KCNC2: variants seen among roughly 807,000 people sequenced by gnomAD.
The protein encoded by KCNC2 is voltage-gated potassium channel KCNC2.
In KCNC2, 21 loss-of-function variants were observed where a neutral mutation model predicts 44.5. The ratio of observed to expected loss-of-function variants is 0.47; its 90% CI spans 0.33 to 0.68. The LOEUF (loss-of-function observed/expected upper bound fraction) is 0.68. Among genes scored for constraint, KCNC2 ranks in the 30% least tolerant of loss-of-function variants. The pLI is 0.01. For synonymous variants in KCNC2, 391 were observed against 339.1 expected (o/e 1.15, Z -1.68); for missense variants, 589 against 826.2 (o/e 0.71, Z 3.52).
At chr12:75,048,072 T>C (rs1880731513) in intron 4 of KCNC2, 81 bp downstream of exon 4, 3 of 1,254,720 alleles carry the variant, frequency 2.4e-6, no homozygotes, top group Non-Finnish European at 3.5e-6. Context: ...AAATGATGAA[T>C]GAGCATTTTA....
At position 75,048,242 on chromosome 12, in the gene KCNC2, C is replaced by T. The variant is rs1880758647; in HGVS notation, c.1691G>A (p.Ser564Asn). The T allele has an allele frequency of 6.2e-7, 1 of 1,613,084 alleles. No homozygotes were observed. The highest frequency in any genetic ancestry group is 8.5e-7 in the Non-Finnish European group (1 of 1,179,386). Residue 564 changes from serine (S) to asparagine (N), a missense_variant, in exon 4 of 5, where the codon AGT (serine) becomes AAT (asparagine). Transcript: ENST00000549446. The stretch of plus-strand genomic sequence containing the variant: ...CCCTCTTCTGTTTTTGTCTCTGGTA[C>T]TAGAGCGTCTGATGGGGAGCCTTTC... Reference protein sequence around the residue: ...PPERLPIRRSSTRDKNRRGET... With the variant: ...PPERLPIRRSNTRDKNRRGET...
At chr12:75,146,087 T>C (rs978390455) in intron 2 of KCNC2, among the ~76,000 whole-genome samples, 7 of 151,912 alleles carry the variant, frequency 4.6e-5, no homozygotes, top group African/African-American at 1.7e-4. Flanking sequence ...CCCTAGTAGC[T>C]GGGACTACAG....
At chr12:75,201,406 T>C (rs1053182576) in intron 2 of KCNC2, among the ~76,000 whole-genome samples, 3 of 150,482 alleles carry the variant, frequency 2.0e-5, no homozygotes, top group Non-Finnish European at 4.4e-5. Context: ...GCAATAATTA[T>C]CCTACAAATC....
intron 2 of KCNC2, among the ~76,000 whole-genome samples, chr12:75,088,581 G>A (rs1885216059): frequency 6.6e-6 from 1 of 151,994 alleles, no homozygotes; most frequent in African/African-American, 2.4e-5. Flanking sequence ...GCCAGTCATA[G>A]TTATGCTCTC....
intron 2 of KCNC2, among the ~76,000 whole-genome samples, chr12:75,201,992 C>T (rs1001742468): frequency 6.6e-6 from 1 of 151,780 alleles, no homozygotes; most frequent in Admixed American, 6.6e-5. Flanking sequence ...TCAAAGAATA[C>T]AATACTTGAA....
At chr12:75,079,140 A>G (rs543436795) in intron 2 of KCNC2, among the ~76,000 whole-genome samples, 103 of 152,250 alleles carry the variant, frequency 6.8e-4, no homozygotes, top group Non-Finnish European at 1.4e-3. Context: ...TGCATCTTAG[A>G]AGAAAATTTT....
chr12:75,115,624 G>A (rs1887604654), intron 2 of KCNC2, among the ~76,000 whole-genome samples: 1 of 152,108 alleles, frequency 6.6e-6, no homozygotes, highest in African/African-American at 2.4e-5. Context: ...TCAGGGGCTA[G>A]CATGTTAGAA....
chr12:75,197,711 T>A (rs2030896826), intron 2 of KCNC2, among the ~76,000 whole-genome samples: 1 of 151,966 alleles, frequency 6.6e-6, no homozygotes, highest in Non-Finnish European at 1.5e-5. Context: ...TTTCCCAGTT[T>A]GTTTAGTTAA....
intron 1 of KCNC2, among the ~76,000 whole-genome samples, chr12:75,208,670 A>C (rs2446319): frequency 0.51 from 76,033 of 147,730 alleles, 22,554 homozygotes; most frequent in African/African-American, 0.84. Flanking sequence ...GTGCCTTCTG[A>C]GCAACCTGTT....
intron 2 of KCNC2, among the ~76,000 whole-genome samples, chr12:75,088,791 C>T (rs1300297414): frequency 6.6e-6 from 1 of 151,822 alleles, no homozygotes; most frequent in Non-Finnish European, 1.5e-5. Context: ...TTAAAATTTA[C>T]ATAAATTGAT....
chr12:75,134,131 C>G (rs17114719), intron 2 of KCNC2, among the ~76,000 whole-genome samples: 4,672 of 151,978 alleles, frequency 0.031, 103 homozygotes, highest in East Asian at 0.061. Flanking sequence ...AATTAAAATA[C>G]ACCTGGGCAA....
At chr12:75,132,110 T>C (rs1888892670) in intron 2 of KCNC2, among the ~76,000 whole-genome samples, 1 of 152,132 alleles carries the variant, frequency 6.6e-6, no homozygotes, top group South Asian at 2.1e-4. Flanking sequence ...CTTTAAGGTT[T>C]TGTAGTTTCA....
chr12:75,065,597 T>C (rs938384947), intron 2 of KCNC2, among the ~76,000 whole-genome samples: 5 of 152,084 alleles, frequency 3.3e-5, no homozygotes, highest in African/African-American at 1.2e-4. Flanking sequence ...TACTTACCAT[T>C]GTGTTACAAT....
At chr12:75,176,741 T>A (rs903351203) in intron 2 of KCNC2, among the ~76,000 whole-genome samples, 5 of 151,986 alleles carry the variant, frequency 3.3e-5, no homozygotes, top group Non-Finnish European at 4.4e-5. Flanking sequence ...ATTTATGTAA[T>A]CTCTTTGGAG....
chr12:75,116,305 TG>T (rs1278979655), intron 2 of KCNC2, among the ~76,000 whole-genome samples: 1 of 152,076 alleles, frequency 6.6e-6, no homozygotes, highest in Non-Finnish European at 1.5e-5. Flanking sequence ...TCTCATACTC[TG>T]CCTCAAAGAG....
intron 2 of KCNC2, among the ~76,000 whole-genome samples, chr12:75,088,839 A>G (rs1885241467): frequency 6.6e-6 from 1 of 151,994 alleles, no homozygotes; most frequent in African/African-American, 2.4e-5. Flanking sequence ...CTAATATATA[A>G]AACAACAGAT....
intron 1 of KCNC2, among the ~76,000 whole-genome samples, chr12:75,208,627 C>T (rs1016698676): frequency 1.3e-5 from 2 of 149,518 alleles, no homozygotes; most frequent in Admixed American, 6.7e-5. Context: ...TAGGTCAACC[C>T]CGGACCCCTC....
chr12:75,082,273 C>T (rs1179900209), intron 2 of KCNC2, among the ~76,000 whole-genome samples: 2 of 151,622 alleles, frequency 1.3e-5, no homozygotes, highest in Non-Finnish European at 2.9e-5. Context: ...CTATAAAATT[C>T]ATGAAGTAAT....
In KCNC2 at chr12:75,042,438, A is replaced by G. The variant is rs1333449399; in HGVS notation, c.*667T>C. 3.8e-6 allele frequency: 6 copies of G among 1,574,538 alleles called. No individual in the cohort carries two copies. In the Admixed American group the frequency reaches 9.4e-5, roughly 25 times the overall value. On this transcript the variant is annotated 3_prime_UTR_variant, in exon 5 of 5. Transcript: ENST00000549446. ...CAGCATTTTTGAAGAAAAGTAAATC[A>G]ATCAAGAAATTAAACTATTTAAAAC...
Sources: allele counts gnomAD v4.1 joint callset (sites outside exome capture counted in the v4.1 genomes callset), GRCh38; gene constraint gnomAD v4.1.1; transcripts MANE v1.5; gene names NCBI Gene and HGNC (gene_info 2026-07-23, HGNC 2026-07-21).